Variants in SPATA17 observed in about 807,000 individuals in gnomAD.
SPATA17 encodes the protein spermatogenesis-associated protein 17.
SPATA17 carries 53 observed loss-of-function variants against 62.2 expected under a neutral mutation model. The observed-to-expected ratio is 0.85, with a 90% CI of 0.68 to 1.07. The LOEUF is 1.07. Ranked by LOEUF, SPATA17 falls within the 50% of genes least tolerant of loss-of-function variation. The probability of loss-of-function intolerance (pLI) is 0.00; values close to 1 mark genes in which losing one functional copy is unlikely to be tolerated. For synonymous variants in SPATA17, 146 were observed against 146.8 expected (o/e 0.99, Z 0.04); for missense variants, 466 against 425.5 (o/e 1.10, Z -0.84).
intron 6 of SPATA17, among the ~76,000 whole-genome samples, chr1:217,762,169 TCA>T (rs1470821581): frequency 6.6e-6 from 1 of 152,128 alleles, no homozygotes; most frequent in Non-Finnish European, 1.5e-5. Flanking sequence ...GGCTCTTCTC[TCA>T]GTCTACACTC....
intron 6 of SPATA17, 100 bp from the exon 7 acceptor site, chr1:217,774,234 A>G: frequency 1.0e-6 from 1 of 996,468 alleles, no homozygotes; most frequent in East Asian, 2.6e-5. Context: ...TGTAGTTTAA[A>G]ATATTCTTTA....
chr1:217,795,575 G>T (rs1432597538), intron 8 of SPATA17, among the ~76,000 whole-genome samples: 1 of 151,764 alleles, frequency 6.6e-6, no homozygotes, highest in Non-Finnish European at 1.5e-5. Context: ...TCACCATGTT[G>T]GCCAGGCTGG....
At chr1:217,763,010 G>A (rs1558040382) in intron 6 of SPATA17, among the ~76,000 whole-genome samples, 1 of 152,138 alleles carries the variant, frequency 6.6e-6, no homozygotes, top group Non-Finnish European at 1.5e-5. Flanking sequence ...CTAGACAAAT[G>A]CTCAGACACA....
At chr1:217,809,313 A>T (rs1458613787) in intron 9 of SPATA17, among the ~76,000 whole-genome samples, 1 of 152,148 alleles carries the variant, frequency 6.6e-6, no homozygotes. Flanking sequence ...TCACCCTTAG[A>T]ACTGATGGAC....
chr1:217,862,032 C>T (rs1392004462), intron 9 of SPATA17, among the ~76,000 whole-genome samples: 1 of 151,492 alleles, frequency 6.6e-6, no homozygotes, highest in Non-Finnish European at 1.5e-5. Flanking sequence ...AAGAGCTGCA[C>T]TCAGGGCATA....
In SPATA17 at chr1:217,777,941, T is replaced by C. The variant is rs986936144; in HGVS notation, c.723+3404T>C. On this transcript the variant is annotated intron_variant, in intron 7 of 10. Coordinates refer to ENST00000366933, the MANE Select transcript of SPATA17 (RefSeq NM_138796.4). ...AAAGCATTTAAAATAGTTTTAAATG[T>C]AAATATAAAATGAATTTTATATTAT... Among the ~76,000 whole-genome samples, 25 of 152,136 alleles carry C rather than the reference T, an allele frequency of 1.6e-4. 1 individual carries two copies. Among genetic ancestry groups the C allele is most frequent in the African/African-American group, 5.8e-4 (24 of 41,434 alleles).
intron 9 of SPATA17, among the ~76,000 whole-genome samples, chr1:217,859,676 G>A: frequency 6.6e-6 from 1 of 152,128 alleles, no homozygotes; most frequent in East Asian, 1.9e-4. Flanking sequence ...TGAAGTGCTG[G>A]ATTATAGGCA....
intron 5 of SPATA17, among the ~76,000 whole-genome samples, chr1:217,712,675 C>A (rs984951911): frequency 3.3e-5 from 5 of 151,976 alleles, no homozygotes; most frequent in African/African-American, 1.2e-4. Context: ...ATATTTCTAG[C>A]ATTCTGATCA....
chr1:217,796,562 G>A (rs1255804972), intron 8 of SPATA17, among the ~76,000 whole-genome samples: 2 of 152,028 alleles, frequency 1.3e-5, no homozygotes, highest in Non-Finnish European at 2.9e-5. Flanking sequence ...TCTCCACCCT[G>A]GGGGGAAGAT....
chr1:217,788,149 C>T (rs2102980545), intron 8 of SPATA17, among the ~76,000 whole-genome samples: 1 of 152,116 alleles, frequency 6.6e-6, no homozygotes, highest in African/African-American at 2.4e-5. Flanking sequence ...ATATGGGCTT[C>T]ACTAAGGTAT....
chr1:217,778,378 G>A (rs537775578), intron 7 of SPATA17, among the ~76,000 whole-genome samples: 3 of 152,028 alleles, frequency 2.0e-5, no homozygotes, highest in South Asian at 2.1e-4. Flanking sequence ...AAAATTAGCC[G>A]GGCATGGTGG....
intron 5 of SPATA17, among the ~76,000 whole-genome samples, chr1:217,707,842 C>A (rs1477939148): frequency 1.3e-5 from 2 of 152,152 alleles, no homozygotes; most frequent in Non-Finnish European, 2.9e-5. Context: ...AACCTGTAAT[C>A]CTGCTAACCA....
At chr1:217,736,367 A>G (rs1465493995) in intron 5 of SPATA17, among the ~76,000 whole-genome samples, 1 of 152,260 alleles carries the variant, frequency 6.6e-6, no homozygotes. Flanking sequence ...CATACTCTTT[A>G]TTTTTACAGT....
chr1:217,678,225 T>C (rs1243667459), intron 4 of SPATA17, among the ~76,000 whole-genome samples: 2 of 148,982 alleles, frequency 1.3e-5, no homozygotes, highest in East Asian at 3.9e-4. Flanking sequence ...TTTTTTTTTT[T>C]TGAGATGGAG....
chr1:217,863,783 T>C (rs1675944690), intron 10 of SPATA17, among the ~76,000 whole-genome samples: 1 of 152,176 alleles, frequency 6.6e-6, no homozygotes, highest in South Asian at 2.1e-4. Context: ...ATTGTGACAT[T>C]TTCAGCCAAA....
intron 4 of SPATA17, among the ~76,000 whole-genome samples, chr1:217,676,314 A>G (rs1421976349): frequency 6.6e-6 from 1 of 152,154 alleles, no homozygotes; most frequent in Non-Finnish European, 1.5e-5. Context: ...GATAACAAAG[A>G]GAATTTGTCA....
chr1:217,792,502 C>T (rs1407985801), intron 8 of SPATA17, among the ~76,000 whole-genome samples: 1 of 152,164 alleles, frequency 6.6e-6, no homozygotes, highest in Non-Finnish European at 1.5e-5. Context: ...AAATCATAAA[C>T]TTTCTTTCCC....
At chr1:217,782,606 C>G (rs1673756846) in intron 8 of SPATA17, among the ~76,000 whole-genome samples, 2 of 152,034 alleles carry the variant, frequency 1.3e-5, no homozygotes, top group East Asian at 1.9e-4. Context: ...TCTTAATTAT[C>G]TATAGTGAAA....
chr1:217,680,178 T>C (rs542318179), intron 4 of SPATA17, among the ~76,000 whole-genome samples: 40 of 152,328 alleles, frequency 2.6e-4, no homozygotes, highest in South Asian at 1.7e-3. Context: ...ATAAAATTGT[T>C]ACTGTACATG....
Sources: allele counts gnomAD v4.1 joint callset (sites outside exome capture counted in the v4.1 genomes callset), GRCh38; gene constraint gnomAD v4.1.1; transcripts MANE v1.5; gene names NCBI Gene and HGNC (gene_info 2026-07-23, HGNC 2026-07-21).